The following MAGED1 variants were observed in gnomAD, a reference collection of about 807,000 sequenced individuals.
MAGED1 encodes melanoma-associated antigen D1.
MAGED1 carries 3 observed loss-of-function variants against 54.1 expected under a neutral mutation model. That is an observed-to-expected ratio of 0.06 (90% CI 0.03 to 0.14). MAGED1 has a LOEUF of 0.14. Ranked by LOEUF, MAGED1 falls within the 10% of genes least tolerant of loss-of-function variation. The pLI, the probability that MAGED1 is intolerant of heterozygous loss-of-function variation, is 1.00. For missense variants in MAGED1, 485 were observed against 623.4 expected, an observed-to-expected ratio of 0.78 and a Z score of 2.36; for synonymous variants, 217 against 227.3, an observed-to-expected ratio of 0.95 and a Z score of 0.41.
At chrX:51,872,536 A>T (rs1927719527) in intron 1 of MAGED1, among the ~76,000 whole-genome samples, 1 of 111,528 alleles carries the variant, frequency 9.0e-6, no homozygotes, top group Non-Finnish European at 1.9e-5. Flanking sequence ...TTCTTATTTC[A>T]TTCTTTATAT....
At chrX:51,830,036 G>C (rs1926002202) in intron 1 of MAGED1, among the ~76,000 whole-genome samples, 1 of 111,547 alleles carries the variant, frequency 9.0e-6, no homozygotes, top group Non-Finnish European at 1.9e-5. Context: ...TTCCCCAACT[G>C]TTCCAAATTA....
intron 1 of MAGED1, among the ~76,000 whole-genome samples, chrX:51,848,210 T>A (rs1926755967): frequency 1.8e-5 from 2 of 111,731 alleles, no homozygotes; most frequent in South Asian, 7.5e-4. Context: ...CTCTTCCTAT[T>A]GTGTTGGGTC....
chrX:51,857,916 T>G (rs1927145913), intron 1 of MAGED1: 1 of 112,630 alleles, frequency 8.9e-6, no homozygotes. Context: ...TTAAATGCAG[T>G]GAGTGTGGAA....
chrX:51,895,811 C>T, intron 3 of MAGED1, 51 bp downstream of exon 3: 1 of 965,810 alleles, frequency 1.0e-6, no homozygotes. Context: ...CCTTTCTTCT[C>T]TGAGGGTGTT....
In MAGED1 at chrX:51,840,583, C is replaced by A. The variant is rs1294413167; in HGVS notation, c.-37+37466C>A. On this transcript the variant is annotated intron_variant, in intron 1 of 12. Transcript: ENST00000375772. ...ATATCTCCTAATGCTATCCCTCCCCCCTTCCCCCACCCCACAACGGTCCCC... is the reference window on the plus strand; with the variant it reads ...ATATCTCCTAATGCTATCCCTCCCCACTTCCCCCACCCCACAACGGTCCCC... Among the ~76,000 whole-genome samples the A allele has an allele frequency of 5.5e-5, 6 of 109,392 alleles. No homozygotes were observed. In the South Asian group the frequency reaches 1.2e-3, roughly 22 times the overall value. 95.0% of individuals were successfully genotyped at this position (109,392 alleles called of 115,157 possible).
intron 1 of MAGED1, chrX:51,858,143 T>G (rs1385561246): frequency 8.9e-6 from 1 of 112,551 alleles, no homozygotes; most frequent in Non-Finnish European, 1.9e-5. Flanking sequence ...TTTAATCATT[T>G]TTTTACAATA....
chrX:51,834,713 G>T (rs1926184022), intron 1 of MAGED1, among the ~76,000 whole-genome samples: 1 of 111,169 alleles, frequency 9.0e-6, no homozygotes, highest in South Asian at 3.8e-4. Flanking sequence ...CTCTCAGTCC[G>T]TAGTTAGTCT....
Position 51,894,292 on chromosome X carries a change from A to G in MAGED1, c.-13A>G, listed in dbSNP as rs782375320. ...AGCCCCCAGGCTCCGCTCTTGCCAG[A>G]GGGACAGGAGCCATGGCTCAGAAAA... On this transcript the variant is annotated 5_prime_UTR_variant, in exon 2 of 13. Transcript: ENST00000326587. 2 of 1,194,432 alleles carry G rather than the reference A, an allele frequency of 1.7e-6. No individual in the cohort carries two copies. The highest frequency in any genetic ancestry group is 3.1e-5 in the East Asian group (1 of 32,782).
At chrX:51,834,592 T>A (rs1162490765) in intron 1 of MAGED1, among the ~76,000 whole-genome samples, 1 of 112,250 alleles carries the variant, frequency 8.9e-6, no homozygotes, top group Non-Finnish European at 1.9e-5. Context: ...TTCCTTTTTT[T>A]TATAGTTGAA....
intron 1 of MAGED1, among the ~76,000 whole-genome samples, chrX:51,851,188 C>T (rs782457339): frequency 9.0e-6 from 1 of 111,670 alleles, no homozygotes; most frequent in South Asian, 3.8e-4. Context: ...TCCATTTTCT[C>T]ACTGTTGAAA....
intron 1 of MAGED1, among the ~76,000 whole-genome samples, chrX:51,862,182 G>C (rs1927305740): frequency 9.0e-6 from 1 of 110,891 alleles, no homozygotes; most frequent in Non-Finnish European, 1.9e-5. Context: ...TAGATACCTG[G>C]TAGGTAGACT....
Position 51,848,705 on chromosome X carries a change from C to G in MAGED1, c.-36-45564C>G, listed in dbSNP as rs72619093. 1.1e-4 allele frequency among the ~76,000 whole-genome samples: 12 copies of G among 111,767 alleles called. No homozygotes were observed. In the East Asian group the frequency reaches 3.4e-3, roughly 32 times the overall value. On this transcript the variant is annotated intron_variant, in intron 1 of 12. Transcript: ENST00000375772. Reference sequence around the variant, plus strand: ...GAAAACAACGTGAAGCAAAATATGCCGGTGGCTTGAGAACTCATCTCCCAG... The same window carrying G: ...GAAAACAACGTGAAGCAAAATATGCGGGTGGCTTGAGAACTCATCTCCCAG...
intron 1 of MAGED1, among the ~76,000 whole-genome samples, chrX:51,884,275 C>T (rs1928165396): frequency 9.0e-6 from 1 of 110,976 alleles, no homozygotes; most frequent in South Asian, 3.8e-4. Flanking sequence ...AAAATGACAC[C>T]TTACCTATAG....
intron 1 of MAGED1, among the ~76,000 whole-genome samples, chrX:51,824,744 A>G (rs1201418450): frequency 1.1e-5 from 1 of 94,065 alleles, no homozygotes; most frequent in Non-Finnish European, 2.1e-5. Context: ...CTGTATATAT[A>G]TATATACACA....
chrX:51,841,384 G>T lies in MAGED1; in HGVS notation c.-37+38267G>T, dbSNP rs1465823347. On this transcript the variant is annotated intron_variant, in intron 1 of 12. Coordinates refer to the MAGED1 transcript ENST00000375772. ...CAAAAATTTTCTCCCATTCTGTAGG[G>T]TGCCTGTTCACTCTGATGGTGGTTT... Among the ~76,000 whole-genome samples, 615 of 107,163 alleles carry T rather than the reference G, an allele frequency of 5.7e-3. 1 individual carries two copies. The highest frequency in any genetic ancestry group is 8.7e-3 in the Non-Finnish European group (446 of 51,242). The allele number at this position is 107,163 out of a possible 115,157, so 93.1% of individuals were successfully genotyped here. A position where few individuals can be genotyped will look rare whatever the true frequency, so the allele number is the denominator to read the frequency against.
chrX:51,853,571 A>G lies in MAGED1; in HGVS notation c.-36-40698A>G, dbSNP rs782204302. 1.2e-4 allele frequency among the ~76,000 whole-genome samples: 14 copies of G among 112,391 alleles called. No homozygotes were observed. In the East Asian group the frequency reaches 3.9e-3, roughly 32 times the overall value. ...TCTCTTTTGCCTTTCAAGGCAGCCA[A>G]AATGAAAGCTGAAATTTTTGGAATA... On this transcript the variant is annotated intron_variant, in intron 1 of 12. Coordinates refer to the MAGED1 transcript ENST00000375772.
intron 1 of MAGED1, among the ~76,000 whole-genome samples, chrX:51,825,823 T>C (rs782232143): frequency 1.8e-5 from 2 of 112,429 alleles, no homozygotes; most frequent in South Asian, 7.5e-4. Flanking sequence ...AATCCCCTAT[T>C]GATAGCTTAT....
intron 1 of MAGED1, among the ~76,000 whole-genome samples, chrX:51,815,047 G>A (rs1399506957): frequency 9.3e-6 from 1 of 108,090 alleles, no homozygotes; most frequent in African/African-American, 3.4e-5. Flanking sequence ...GGAGGCTGAG[G>A]CATGAGAATC....
At chrX:51,877,916 G>A (rs782209258) in intron 1 of MAGED1, among the ~76,000 whole-genome samples, 4 of 111,603 alleles carry the variant, frequency 3.6e-5, no homozygotes, top group Non-Finnish European at 7.5e-5. Context: ...ACTTTTCTGA[G>A]TCCAGCTATA....
Sources: allele counts gnomAD v4.1 joint callset (sites outside exome capture counted in the v4.1 genomes callset), GRCh38; gene constraint gnomAD v4.1.1; transcripts MANE v1.5; gene names NCBI Gene and HGNC (gene_info 2026-07-23, HGNC 2026-07-21).